NIPSNAP2: variants seen among roughly 807,000 people sequenced by gnomAD.
NIPSNAP2 encodes the protein nipsnap homolog 2, also known as protein NipSnap homolog 2.
In NIPSNAP2, 42 loss-of-function variants were observed where a neutral mutation model predicts 48.4. The observed-to-expected ratio is 0.87, with a 90% CI of 0.68 to 1.12. NIPSNAP2 has a LOEUF of 1.12. NIPSNAP2 is among the 50% of genes most tolerant of loss of function. The pLI, the probability that NIPSNAP2 is intolerant of heterozygous loss-of-function variation, is 0.00. For missense variants in NIPSNAP2, 314 were observed against 347.3 expected, an observed-to-expected ratio of 0.90 and a Z score of 0.76; for synonymous variants, 158 against 126.6, an observed-to-expected ratio of 1.25 and a Z score of -1.67.
intron 1 of NIPSNAP2, among the ~76,000 whole-genome samples, chr7:55,972,959 T>C (rs1787042660): frequency 6.6e-6 from 1 of 151,656 alleles, no homozygotes. Flanking sequence ...CAAAAATTAG[T>C]TGGATGTGGT....
intron 1 of NIPSNAP2, among the ~76,000 whole-genome samples, chr7:55,970,474 AT>A (rs756831650): frequency 4.6e-5 from 7 of 151,308 alleles, no homozygotes; most frequent in African/African-American, 9.7e-5. Flanking sequence ...ACACCTGGCC[AT>A]TTTTTTGGTA....
rs1787645624 is a variant in NIPSNAP2 at position 56,000,045 on chromosome 7, A to T, written c.*973A>T. 1.3e-5 allele frequency: 2 copies of T among 152,624 alleles called. No individual in the cohort carries two copies. The highest frequency in any genetic ancestry group is 2.9e-5 in the Non-Finnish European group (2 of 68,052). 9.5% of individuals were successfully genotyped at this position (152,624 alleles called of 1,614,324 possible). A position where few individuals can be genotyped will look rare whatever the true frequency, so the allele number is the denominator to read the frequency against. ...ACCATGTGAAAGTCCTGTTGAAATG[A>T]ACAATTGTCTGCCCCACAATCAAGA... On this transcript the variant is annotated 3_prime_UTR_variant, in exon 10 of 10. Transcript: ENST00000322090.
chr7:55,969,057 GA>G (rs149956107), intron 1 of NIPSNAP2, among the ~76,000 whole-genome samples: 26,106 of 151,284 alleles, frequency 0.17, 2,769 homozygotes, highest in Non-Finnish European at 0.23. Context: ...AAAAAAAAAA[GA>G]AAAAAAGAAA....
intron 7 of NIPSNAP2, among the ~76,000 whole-genome samples, chr7:55,987,467 A>C (rs1787355224): frequency 6.6e-6 from 1 of 152,108 alleles, no homozygotes; most frequent in Admixed American, 6.6e-5. Flanking sequence ...GTCTCTACTA[A>C]AAATACAAAA....
intron 7 of NIPSNAP2, 117 bp downstream of exon 7, chr7:55,984,995 A>G (rs1030314057): frequency 2.8e-6 from 2 of 716,770 alleles, no homozygotes; most frequent in East Asian, 2.8e-5. Context: ...CACTGCACTA[A>G]TGTTTCGTTT....
chr7:55,992,376 G>A (rs1584351034), intron 7 of NIPSNAP2, among the ~76,000 whole-genome samples: 1 of 152,312 alleles, frequency 6.6e-6, no homozygotes. Context: ...TGTAGTTCCA[G>A]CTACTCAGGA....
chr7:55,985,277 A>G (rs1283216171), intron 7 of NIPSNAP2, among the ~76,000 whole-genome samples: 2 of 152,124 alleles, frequency 1.3e-5, no homozygotes, highest in African/African-American at 2.4e-5. Context: ...TACTTCTTGG[A>G]TATCATCTTT....
At chr7:55,974,006 C>T (rs1330762832) in intron 1 of NIPSNAP2, among the ~76,000 whole-genome samples, 1 of 151,970 alleles carries the variant, frequency 6.6e-6, no homozygotes, top group Non-Finnish European at 1.5e-5. Context: ...TGGCGGATCA[C>T]TTAAGGCCAG....
chr7:55,981,207 G>A (rs1409640416), intron 3 of NIPSNAP2: 5 of 203,822 alleles, frequency 2.5e-5, no homozygotes, highest in Non-Finnish European at 4.9e-5. Flanking sequence ...TGGGACCTTT[G>A]GTTTTTCTTT....
chr7:55,978,728 A>G (rs73343719), intron 3 of NIPSNAP2: 23,683 of 258,560 alleles, frequency 0.092, 1,943 homozygotes, highest in African/African-American at 0.24. Context: ...TCCTGAAGTA[A>G]GTTCCATCTC....
At chr7:55,976,091 C>G (rs1787102913) in intron 1 of NIPSNAP2, among the ~76,000 whole-genome samples, 1 of 151,690 alleles carries the variant, frequency 6.6e-6, no homozygotes, top group African/African-American at 2.4e-5. Context: ...TCAGATAGTT[C>G]AGAAGGTTAT....
intron 1 of NIPSNAP2, among the ~76,000 whole-genome samples, chr7:55,970,603 C>T (rs1157620444): frequency 6.6e-6 from 1 of 152,084 alleles, no homozygotes; most frequent in Non-Finnish European, 1.5e-5. Context: ...TGAGGCACTG[C>T]GCTTGTCCGA....
chr7:55,971,222 A>G (rs941640439), intron 1 of NIPSNAP2, among the ~76,000 whole-genome samples: 1 of 152,142 alleles, frequency 6.6e-6, no homozygotes, highest in Non-Finnish European at 1.5e-5. Context: ...TGGGCATGTT[A>G]GGCAGCTTTG....
intron 5 of NIPSNAP2, among the ~76,000 whole-genome samples, chr7:55,982,716 T>C (rs1022455327): frequency 2.7e-5 from 4 of 150,310 alleles, no homozygotes; most frequent in Non-Finnish European, 5.9e-5. Flanking sequence ...TGCGCCACTG[T>C]ACTCCAGCCT....
chr7:55,984,016 TCA>T (rs67861084), intron 6 of NIPSNAP2, 148 bp downstream of exon 6: 8,067 of 418,612 alleles, frequency 0.019, 122 homozygotes, highest in African/African-American at 0.042. Flanking sequence ...AGACTGGGTC[TCA>T]CACTGTCACC....
chr7:55,977,442 A>T (rs1009511565), intron 1 of NIPSNAP2, among the ~76,000 whole-genome samples: 2 of 152,072 alleles, frequency 1.3e-5, no homozygotes, highest in African/African-American at 4.8e-5. Flanking sequence ...AATTTTTTTT[A>T]AAGAAAGAAT....
At chr7:55,969,982 CA>C (rs759505196) in intron 1 of NIPSNAP2, among the ~76,000 whole-genome samples, 1,280 of 56,164 alleles carry the variant, frequency 0.023, 12 homozygotes, top group African/African-American at 0.052. Flanking sequence ...GACTCTGTCT[CA>C]AAAAAAAAAA....
chr7:55,973,781 G>A lies in NIPSNAP2; in HGVS notation c.93-4345G>A, dbSNP rs550825766. On this transcript the variant is annotated intron_variant, in intron 1 of 9. Transcript: ENST00000322090. ...TTTAGAAGCGTGAGCCACCACTCCC[G>A]GCCAATATATTTGTATTTGTAAGTT... Among the ~76,000 whole-genome samples, 8 of 151,892 alleles carry A rather than the reference G, an allele frequency of 5.3e-5. No individual in the cohort carries two copies. In the South Asian group the frequency reaches 8.4e-4, roughly 16 times the overall value.
At chr7:55,970,764 T>C (rs1309695037) in intron 1 of NIPSNAP2, among the ~76,000 whole-genome samples, 1 of 152,142 alleles carries the variant, frequency 6.6e-6, no homozygotes, top group Non-Finnish European at 1.5e-5. Context: ...CATGACTCCA[T>C]GTCCCTGTAC....
Sources: gnomAD v4.1 joint callset for allele counts (sites outside exome capture counted in the v4.1 genomes callset) on GRCh38, gnomAD v4.1.1 for gene constraint, MANE v1.5 for transcripts, NCBI Gene and HGNC (gene_info 2026-07-23, HGNC 2026-07-21) for gene names.